Variants in ATP2C2 observed in about 807,000 individuals in gnomAD.
The protein encoded by ATP2C2 is calcium-transporting ATPase type 2C member 2.
ATP2C2 carries 171 observed loss-of-function variants against 110.8 expected under a neutral mutation model. That is an observed-to-expected ratio of 1.54 (90% CI 1.36 to 1.75). The LOEUF (loss-of-function observed/expected upper bound fraction) is 1.75. Among genes scored for constraint, ATP2C2 ranks in the 40% most tolerant of loss-of-function variants. The pLI is 0.00. For synonymous variants in ATP2C2, 804 were observed against 508.4 expected, an observed-to-expected ratio of 1.58 and a Z score of -7.82; for missense variants, 1,963 against 1,235.0, an observed-to-expected ratio of 1.59 and a Z score of -8.84.
rs58494870 is a variant in ATP2C2 at position 84,412,547 on chromosome 16, CGTGTGTGT to C, written c.515+1797_515+1804del. Reference sequence around the variant, plus strand: ...GTGTGCATGTGTCTGTGTGTGTATGCGTGTGTGTGTGTGTGTGTGTGTATGTGTGTGTG... The same window carrying C: ...GTGTGCATGTGTCTGTGTGTGTATGCGTGTGTGTGTGTGTATGTGTGTGTG... On this transcript the variant is annotated intron_variant, in intron 6 of 26. Coordinates refer to ENST00000262429, the MANE Select transcript of ATP2C2 (RefSeq NM_014861.4). Among the ~76,000 whole-genome samples, 7 of 149,516 alleles carry C rather than the reference CGTGTGTGT, an allele frequency of 4.7e-5. 1 individual carries two copies. Among genetic ancestry groups the C allele is most frequent in the Non-Finnish European group, 7.4e-5 (5 of 67,470 alleles).
chr16:84,429,581 G>C (rs1056382689), intron 11 of ATP2C2, among the ~76,000 whole-genome samples: 1 of 152,126 alleles, frequency 6.6e-6, no homozygotes, highest in Non-Finnish European at 1.5e-5. Flanking sequence ...GGGGGAGGTT[G>C]TGAACAAGAC....
chr16:84,438,369 T>C (rs1307813143), intron 11 of ATP2C2, among the ~76,000 whole-genome samples: 1 of 152,138 alleles, frequency 6.6e-6, no homozygotes, highest in East Asian at 1.9e-4. Context: ...GAGTGTGGAA[T>C]GTGGGGCCAG....
intron 1 of ATP2C2, among the ~76,000 whole-genome samples, chr16:84,374,289 C>G (rs1214966407): frequency 1.3e-5 from 2 of 152,306 alleles, no homozygotes; most frequent in East Asian, 1.9e-4. Flanking sequence ...TAACCTTTCT[C>G]TCTGAGCCAT....
At chr16:84,390,232 G>T (rs1021009289) in intron 1 of ATP2C2, among the ~76,000 whole-genome samples, 2 of 152,210 alleles carry the variant, frequency 1.3e-5, no homozygotes, top group African/African-American at 4.8e-5. Context: ...GGCTGGACGG[G>T]AGGGCGCCAC....
chr16:84,447,737 TTA>T (rs1491403134), intron 16 of ATP2C2, among the ~76,000 whole-genome samples: 1 of 139,326 alleles, frequency 7.2e-6, no homozygotes, highest in Non-Finnish European at 1.5e-5. Flanking sequence ...AATATATTAG[TTA>T]TATATAATAT....
At chr16:84,377,052 G>A (rs2151396262) in intron 1 of ATP2C2, among the ~76,000 whole-genome samples, 1 of 152,284 alleles carries the variant, frequency 6.6e-6, no homozygotes, top group South Asian at 2.1e-4. Flanking sequence ...CTCACATGAT[G>A]GTGATAAGAA....
At position 84,410,973 on chromosome 16, in the gene ATP2C2, C is replaced by T. The variant is rs554948193; in HGVS notation, c.515+208C>T. 6.4e-4 allele frequency: 379 copies of T among 595,054 alleles called. 1 individual carries two copies. The African/African-American group carries it at 6.5e-3, about 10-fold the overall frequency. The allele number at this position is 595,054 out of a possible 1,614,324, so 36.9% of individuals were successfully genotyped here. A position where few individuals can be genotyped will look rare whatever the true frequency, so the allele number is the denominator to read the frequency against. On this transcript the variant is annotated intron_variant, in intron 6 of 26. Coordinates refer to ENST00000262429, the MANE Select transcript of ATP2C2 (RefSeq NM_014861.4). The stretch of plus-strand genomic sequence containing the variant: ...CACTCAACCTCTCTGGGCCTCAGCT[C>T]CATCATCAGTGTCTAAATCAGGGTG...
chr16:84,460,955 A>G, intron 24 of ATP2C2, 154 bp downstream of exon 24: 1 of 1,144,478 alleles, frequency 8.7e-7, no homozygotes, highest in Non-Finnish European at 1.2e-6. Flanking sequence ...CGTGGGGTGC[A>G]TGAGGCAAAG....
In ATP2C2 at chr16:84,453,088, G is replaced by T. The variant is rs752083824; in HGVS notation, c.1832-50G>T. The T allele has an allele frequency of 4.5e-6, 7 of 1,544,084 alleles. No individual in the cohort carries two copies. In the East Asian group the frequency reaches 1.2e-4, roughly 27 times the overall value. ...GGCCGAGGTGGGGCCGGGAGTGAGG[G>T]GTGGGGACGCGGGCCTCAGAGCAGG... On this transcript the variant is annotated intron_variant, in intron 18 of 26. Coordinates refer to ENST00000262429, the MANE Select transcript of ATP2C2 (RefSeq NM_014861.4).
chr16:84,460,953 G>A (rs1476678695), intron 24 of ATP2C2, 152 bp downstream of exon 24: 7 of 1,154,210 alleles, frequency 6.1e-6, no homozygotes, highest in Non-Finnish European at 8.3e-6. Context: ...GGCGTGGGGT[G>A]CATGAGGCAA....
rs537720370 is a variant in ATP2C2, at chr16:84,398,105, T to TA, written c.100-386dup. On this transcript the variant is annotated intron_variant, in intron 1 of 26. Transcript: ENST00000262429. ...CACTGTGTGTGTGTGTTTTATGCTTTAAAAAAAACACATGTGGCCGGGCGC... is the reference window on the plus strand; with the variant it reads ...CACTGTGTGTGTGTGTTTTATGCTTTAAAAAAAAACACATGTGGCCGGGCGC... Among the ~76,000 whole-genome samples the TA allele has an allele frequency of 1.9e-4, 29 of 151,520 alleles. No homozygotes were observed. In the East Asian group the frequency reaches 3.9e-3, roughly 20 times the overall value.
At chr16:84,432,453 G>A (rs927023022) in intron 11 of ATP2C2, among the ~76,000 whole-genome samples, 4 of 151,904 alleles carry the variant, frequency 2.6e-5, no homozygotes, top group Non-Finnish European at 5.9e-5. Context: ...AGGCCTGGGT[G>A]TGGATGTCCC....
At chr16:84,410,821 A>T (rs768361057) in intron 6 of ATP2C2, 56 bp downstream of exon 6, 391 of 1,531,074 alleles carry the variant, frequency 2.6e-4, no homozygotes, top group Non-Finnish European at 3.2e-4. Context: ...AGGGAGCTGG[A>T]GAGTTTGGCA....
At chr16:84,379,338 C>T (rs1910438901) in intron 1 of ATP2C2, among the ~76,000 whole-genome samples, 1 of 152,194 alleles carries the variant, frequency 6.6e-6, no homozygotes, top group East Asian at 1.9e-4. Flanking sequence ...CCATGCTTGG[C>T]TAATTTTTGA....
intron 1 of ATP2C2, among the ~76,000 whole-genome samples, chr16:84,392,893 A>C (rs8049966): frequency 0.17 from 25,751 of 152,152 alleles, 2,580 homozygotes; most frequent in Non-Finnish European, 0.23. Context: ...TTTCCTGTCA[A>C]CTGGTGGGTG....
At chr16:84,376,053 T>C (rs1910231275) in intron 1 of ATP2C2, among the ~76,000 whole-genome samples, 1 of 151,892 alleles carries the variant, frequency 6.6e-6, no homozygotes, top group Admixed American at 6.6e-5. Flanking sequence ...GTATGAGCGG[T>C]GCCAGCCCAG....
rs1294351317 is a variant in ATP2C2, at chr16:84,459,877, C to A, written c.2333+491C>A. On this transcript the variant is annotated intron_variant, in intron 23 of 26. Coordinates refer to ENST00000262429, the MANE Select transcript of ATP2C2 (RefSeq NM_014861.4). ...ATCCCTGATGTCTAGAGATAAAGGG[C>A]TTGCCACTCAGTAGGTGCTCAGGAG... 4 of 356,390 alleles carry A rather than the reference C, an allele frequency of 1.1e-5. No homozygotes were observed. In the South Asian group the frequency reaches 1.2e-4, roughly 10 times the overall value. The allele number at this position is 356,390 out of a possible 1,614,324, so 22.1% of individuals were successfully genotyped here. A position where few individuals can be genotyped will look rare whatever the true frequency, so the allele number is the denominator to read the frequency against.
chr16:84,463,933 G>T lies in ATP2C2; in HGVS notation c.*201G>T. 1 of 569,270 alleles carries T rather than the reference G, an allele frequency of 1.8e-6. No individual in the cohort carries two copies. The highest frequency in any genetic ancestry group is 3.1e-6 in the Non-Finnish European group (1 of 319,158). 35.3% of individuals were successfully genotyped at this position (569,270 alleles called of 1,614,324 possible). A position where few individuals can be genotyped will look rare whatever the true frequency, so the allele number is the denominator to read the frequency against. On this transcript the variant is annotated 3_prime_UTR_variant, in exon 27 of 27. Transcript: ENST00000262429. ...CATCCATCCAGCGTTCCCGCTGGCT[G>T]TGGGACAGACAGGGAGGGGCCTGTA...
chr16:84,425,101 C>G (rs923477812), intron 10 of ATP2C2, among the ~76,000 whole-genome samples: 2 of 152,158 alleles, frequency 1.3e-5, no homozygotes, highest in African/African-American at 4.8e-5. Flanking sequence ...CACACACACC[C>G]CGCTACCATC....
Sources: gnomAD v4.1 joint callset for allele counts (sites outside exome capture counted in the v4.1 genomes callset) on GRCh38, gnomAD v4.1.1 for gene constraint, MANE v1.5 for transcripts, NCBI Gene and HGNC (gene_info 2026-07-23, HGNC 2026-07-21) for gene names.